DPP10: variants seen among roughly 807,000 people sequenced by gnomAD.
DPP10 encodes the protein inactive dipeptidyl peptidase 10.
In DPP10, 33 loss-of-function variants were observed where a neutral mutation model predicts 120.9. The observed-to-expected ratio is 0.27, with a 90% CI of 0.21 to 0.37. The LOEUF (loss-of-function observed/expected upper bound fraction) is 0.37. DPP10 is among the 10% of genes least tolerant of loss of function. The pLI is 1.00. For synonymous variants in DPP10, 337 were observed against 326.1 expected, an observed-to-expected ratio of 1.03 and a Z score of -0.36; for missense variants, 816 against 942.8, an observed-to-expected ratio of 0.87 and a Z score of 1.76.
chr2:114,597,744 G>A (rs1292986585), intron 1 of DPP10, among the ~76,000 whole-genome samples: 1 of 151,780 alleles, frequency 6.6e-6, no homozygotes, highest in East Asian at 1.9e-4. Context: ...GATACCAGAT[G>A]GTATCTTTGC....
intron 1 of DPP10, among the ~76,000 whole-genome samples, chr2:114,689,161 G>GGTATTAAGC (rs1699571922): frequency 6.6e-6 from 1 of 151,642 alleles, no homozygotes; most frequent in South Asian, 2.1e-4. Context: ...GTGTCTTGCT[G>GGTATTAAGC]CACAAATCAT....
intron 3 of DPP10, among the ~76,000 whole-genome samples, chr2:115,416,758 A>C (rs777815125): frequency 4.6e-5 from 7 of 152,218 alleles, no homozygotes; most frequent in Non-Finnish European, 8.8e-5. Context: ...AGAGATAAAC[A>C]TAAGAAACCA....
At chr2:115,543,605 A>T (rs1212981805) in intron 5 of DPP10, among the ~76,000 whole-genome samples, 1 of 151,956 alleles carries the variant, frequency 6.6e-6, no homozygotes, top group African/African-American at 2.4e-5. Context: ...AACACCGCAT[A>T]TAAACTCTTT....
chr2:114,664,796 G>A (rs1211116723), intron 1 of DPP10, among the ~76,000 whole-genome samples: 2 of 151,332 alleles, frequency 1.3e-5, no homozygotes, highest in Non-Finnish European at 2.9e-5. Context: ...ATGGCAGAGA[G>A]CATCCAAAAG....
chr2:114,648,154 A>T (rs1478620568), intron 1 of DPP10, among the ~76,000 whole-genome samples: 1 of 152,144 alleles, frequency 6.6e-6, no homozygotes, highest in Non-Finnish European at 1.5e-5. Flanking sequence ...GTCCACTTCT[A>T]CGTGACTCCC....
rs1008985987 is a variant in DPP10, at chr2:114,557,566, G to T, written c.60+114728G>T. ...GTCGGCAAGCCAGCAGTGAGGGTTT[G>T]GTTTGTACCCTCAGTTATTAACCAT... On this transcript the variant is annotated intron_variant, in intron 1 of 25. Transcript: ENST00000410059. Among the ~76,000 whole-genome samples the T allele has an allele frequency of 2.6e-5, 4 of 152,236 alleles. No individual in the cohort carries two copies. In the East Asian group the frequency reaches 7.7e-4, roughly 29 times the overall value.
chr2:114,775,460 A>T (rs1218253948), intron 1 of DPP10, among the ~76,000 whole-genome samples: 2 of 152,168 alleles, frequency 1.3e-5, no homozygotes, highest in African/African-American at 2.4e-5. Context: ...CACTAAAGCC[A>T]TGCACAGCAA....
chr2:115,088,839 T>A lies in DPP10; in HGVS notation c.61-220400T>A, dbSNP rs145567507. On this transcript the variant is annotated intron_variant, in intron 1 of 25. Transcript: ENST00000410059. ...ATATAATGAATTTATATTAATTTTA[T>A]GTTTCTTTTCCACTGAGAAATTAGG... Among the ~76,000 whole-genome samples, 375 of 151,890 alleles carry A rather than the reference T, an allele frequency of 2.5e-3. 11 individuals carry two copies. The East Asian group carries it at 0.059, about 24-fold the overall frequency.
intron 17 of DPP10, among the ~76,000 whole-genome samples, chr2:115,785,837 G>GA (rs1683277130): frequency 9.8e-6 from 1 of 101,594 alleles, no homozygotes; most frequent in South Asian, 3.0e-4. Flanking sequence ...GCTCTGATGT[G>GA]GGTTTTTTTT....
At chr2:114,792,004 T>A (rs993878467) in intron 1 of DPP10, among the ~76,000 whole-genome samples, 1 of 152,210 alleles carries the variant, frequency 6.6e-6, no homozygotes, top group Non-Finnish European at 1.5e-5. Context: ...TTCATTTCTT[T>A]ATGAGACACG....
intron 1 of DPP10, among the ~76,000 whole-genome samples, chr2:114,774,426 G>T (rs1681548249): frequency 6.6e-6 from 1 of 151,494 alleles, no homozygotes; most frequent in Admixed American, 6.6e-5. Context: ...AGTCAGGCTT[G>T]CTTATTGGAG....
At chr2:115,224,392 T>C (rs2057331338) in intron 1 of DPP10, among the ~76,000 whole-genome samples, 1 of 152,118 alleles carries the variant, frequency 6.6e-6, no homozygotes, top group Admixed American at 6.6e-5. Flanking sequence ...AATCTGTGAA[T>C]GTAGGATAAA....
intron 1 of DPP10, among the ~76,000 whole-genome samples, chr2:114,517,252 G>A (rs985893452): frequency 3.3e-5 from 5 of 152,208 alleles, no homozygotes; most frequent in African/African-American, 7.2e-5. Flanking sequence ...TGGGCACAGT[G>A]GCTCATGCCT....
At chr2:115,356,052 T>C (rs2064362686) in intron 3 of DPP10, among the ~76,000 whole-genome samples, 1 of 152,196 alleles carries the variant, frequency 6.6e-6, no homozygotes, top group African/African-American at 2.4e-5. Context: ...CTTCTTTGAT[T>C]CCATATGAAA....
intron 5 of DPP10, among the ~76,000 whole-genome samples, chr2:115,608,829 AGAT>A (rs907328773): frequency 4.7e-4 from 72 of 152,176 alleles, no homozygotes; most frequent in African/African-American, 1.7e-3. Flanking sequence ...GTTAATGACA[AGAT>A]GATATCAAAA....
chr2:114,851,876 T>C (rs80021191), intron 1 of DPP10, among the ~76,000 whole-genome samples: 1,666 of 152,246 alleles, frequency 0.011, 29 homozygotes, highest in African/African-American at 0.038. Context: ...ACAATTCTGC[T>C]CACATTTTCT....
At chr2:115,035,905 A>G (rs1451179647) in intron 1 of DPP10, among the ~76,000 whole-genome samples, 1 of 152,200 alleles carries the variant, frequency 6.6e-6, no homozygotes, top group East Asian at 1.9e-4. Context: ...AATGCTCCCT[A>G]TGTTTGGATG....
chr2:115,625,148 G>A (rs2085260503), intron 5 of DPP10, among the ~76,000 whole-genome samples: 1 of 152,028 alleles, frequency 6.6e-6, no homozygotes, highest in Non-Finnish European at 1.5e-5. Context: ...ACGTTGAATA[G>A]CAGAATGATG....
intron 7 of DPP10, among the ~76,000 whole-genome samples, chr2:115,707,575 TCA>T (rs553135983): frequency 0.077 from 11,709 of 151,790 alleles, 632 homozygotes; most frequent in Non-Finnish European, 0.11. Context: ...CACATGTGTC[TCA>T]AGACATACAT....
Sources: gnomAD v4.1 joint callset for allele counts (sites outside exome capture counted in the v4.1 genomes callset) on GRCh38, gnomAD v4.1.1 for gene constraint, MANE v1.5 for transcripts, NCBI Gene and HGNC (gene_info 2026-07-23, HGNC 2026-07-21) for gene names.